The following ARIH1 variants were observed in gnomAD, a reference collection of about 807,000 sequenced individuals.
The protein encoded by ARIH1 is ariadne RBR E3 ubiquitin protein ligase 1.
ARIH1 carries 8 observed loss-of-function variants against 85.0 expected under a neutral mutation model. That is an observed-to-expected ratio of 0.09 (90% CI 0.06 to 0.17). The LOEUF (loss-of-function observed/expected upper bound fraction) is 0.17. Among genes scored for constraint, ARIH1 ranks in the 10% least tolerant of loss-of-function variants. ARIH1 has a pLI of 1.00. For missense variants in ARIH1, 311 were observed against 718.1 expected (o/e 0.43, Z 6.48); for synonymous variants, 238 against 253.6 (o/e 0.94, Z 0.59).
chr15:72,555,051 T>C (rs1019561132), intron 3 of ARIH1, among the ~76,000 whole-genome samples: 5 of 152,362 alleles, frequency 3.3e-5, no homozygotes, highest in Admixed American at 6.5e-5. Flanking sequence ...TTATATTTAA[T>C]ACAAACATTG....
At chr15:72,578,821 G>GTTTTTTTTT (rs66609745) in intron 11 of ARIH1, among the ~76,000 whole-genome samples, 4 of 145,256 alleles carry the variant, frequency 2.8e-5, no homozygotes, top group Non-Finnish European at 6.0e-5. Flanking sequence ...TTGGTGTTTT[G>GTTTTTTTTT]TTTTTTTTTT....
chr15:72,541,290 C>T (rs1378440347), intron 2 of ARIH1, among the ~76,000 whole-genome samples: 1 of 152,142 alleles, frequency 6.6e-6, no homozygotes, highest in African/African-American at 2.4e-5. Flanking sequence ...TCTCTCCCGA[C>T]ACTCAGCTTT....
intron 1 of ARIH1, among the ~76,000 whole-genome samples, chr15:72,475,843 G>T (rs1372981985): frequency 1.3e-5 from 2 of 152,102 alleles, no homozygotes; most frequent in Non-Finnish European, 2.9e-5. Context: ...TTTCTATTTT[G>T]TGGTAAGTTA....
chr15:72,550,516 T>G (rs975752431), intron 3 of ARIH1, among the ~76,000 whole-genome samples: 1 of 152,212 alleles, frequency 6.6e-6, no homozygotes, highest in East Asian at 1.9e-4. Flanking sequence ...TTTAACAGCC[T>G]TAAAAATCAA....
chr15:72,496,899 A>G lies in ARIH1; in HGVS notation c.376-21168A>G, dbSNP rs188481050. 6.2e-6 allele frequency: 6 copies of G among 967,532 alleles called. No homozygotes were observed. The East Asian group carries it at 6.9e-4, about 111-fold the overall frequency. 59.9% of individuals were successfully genotyped at this position (967,532 alleles called of 1,614,324 possible). ...TCCAAAGACAAGTCATTAAAAGACC[A>G]TTAAACACACATACTTACACACAGA... On this transcript the variant is annotated intron_variant, in intron 1 of 13. Coordinates refer to ENST00000379887, the MANE Select transcript of ARIH1 (RefSeq NM_005744.5).
rs1484551498 is a variant in ARIH1, at chr15:72,592,099, A to C, written c.*8807A>C. 5 of 152,216 alleles carry C rather than the reference A, an allele frequency of 3.3e-5. No homozygotes were observed. The highest frequency in any genetic ancestry group is 1.2e-4 in the African/African-American group (5 of 41,456). The allele number at this position is 152,216 out of a possible 1,614,324, so 9.4% of individuals were successfully genotyped here. A position where few individuals can be genotyped will look rare whatever the true frequency, so the allele number is the denominator to read the frequency against. ...AATAATTAATTTTTACTCCATTTTT[A>C]CTCGCTTGCAATAAAGTAGGTTAAG... On this transcript the variant is annotated 3_prime_UTR_variant, in exon 14 of 14. Transcript: ENST00000379887.
Position 72,501,865 on chromosome 15 carries a change from T to C in ARIH1, c.376-16202T>C, listed in dbSNP as rs532659349. On this transcript the variant is annotated intron_variant, in intron 1 of 13. Coordinates refer to ENST00000379887, the MANE Select transcript of ARIH1 (RefSeq NM_005744.5). ...GTTACCTGGTTCTTGGCTCTACCTT[T>C]AGTTTGTACCCTTTTTATCAATAGG... Among the ~76,000 whole-genome samples, 36 of 152,352 alleles carry C rather than the reference T, an allele frequency of 2.4e-4. 1 individual carries two copies. In the South Asian group the frequency reaches 7.2e-3, roughly 31 times the overall value.
intron 3 of ARIH1, among the ~76,000 whole-genome samples, chr15:72,549,304 T>A (rs944412787): frequency 6.6e-6 from 1 of 152,148 alleles, no homozygotes; most frequent in African/African-American, 2.4e-5. Flanking sequence ...TCCAGGCTGG[T>A]CTCCAACTCC....
chr15:72,552,266 G>C (rs545461721), intron 3 of ARIH1, among the ~76,000 whole-genome samples: 49 of 152,144 alleles, frequency 3.2e-4, no homozygotes, highest in Non-Finnish European at 6.8e-4. Flanking sequence ...CACCAGTGTG[G>C]TACCATATGA....
intron 2 of ARIH1, among the ~76,000 whole-genome samples, chr15:72,542,401 G>A (rs750213520): frequency 1.3e-4 from 20 of 152,148 alleles, no homozygotes; most frequent in Admixed American, 5.9e-4. Flanking sequence ...TAGGGAATAA[G>A]ATCACCACAG....
Position 72,585,484 on chromosome 15 carries a change from T to TA in ARIH1, c.*2193dup, listed in dbSNP as rs1259101432. 1 of 152,120 alleles carries TA rather than the reference T, an allele frequency of 6.6e-6. No individual in the cohort carries two copies. Among genetic ancestry groups the TA allele is most frequent in the Non-Finnish European group, 1.5e-5 (1 of 68,028 alleles). 9.4% of individuals were successfully genotyped at this position (152,120 alleles called of 1,614,324 possible). A position where few individuals can be genotyped will look rare whatever the true frequency, so the allele number is the denominator to read the frequency against. ...AAAGCAGTCAGAGTTGCTATATAGATATATGTGGCTCCTTTAAAATGCTTT... is the reference window on the plus strand; with the variant it reads ...AAAGCAGTCAGAGTTGCTATATAGATAATATGTGGCTCCTTTAAAATGCTTT... On this transcript the variant is annotated 3_prime_UTR_variant, in exon 14 of 14. Coordinates refer to ENST00000379887, the MANE Select transcript of ARIH1 (RefSeq NM_005744.5).
chr15:72,579,373 T>TGGG (rs10692723), intron 11 of ARIH1, among the ~76,000 whole-genome samples: 3 of 151,824 alleles, frequency 2.0e-5, no homozygotes, highest in South Asian at 2.1e-4. Context: ...ATTCAGTGGT[T>TGGG]GGGGGGGGAG....
At chr15:72,569,420 G>A (rs2064234238) in intron 9 of ARIH1, among the ~76,000 whole-genome samples, 1 of 152,178 alleles carries the variant, frequency 6.6e-6, no homozygotes, top group Non-Finnish European at 1.5e-5. Context: ...TTTGGTAGGA[G>A]AAAGTTGGAA....
intron 2 of ARIH1, among the ~76,000 whole-genome samples, chr15:72,531,237 G>A (rs948657122): frequency 6.6e-6 from 1 of 151,988 alleles, no homozygotes; most frequent in South Asian, 2.1e-4. Context: ...ATGAAATATG[G>A]TAAAAAGAAA....
Position 72,474,622 on chromosome 15 carries a change from G to C in ARIH1, c.-18G>C. ...CCCCGCCTCGGCCAGCGTCCGCCGGGCCCCCGCGCGTCGCGCCATGGACTC... is the reference window on the plus strand; with the variant it reads ...CCCCGCCTCGGCCAGCGTCCGCCGGCCCCCCGCGCGTCGCGCCATGGACTC... On this transcript the variant is annotated 5_prime_UTR_variant, in exon 1 of 14. Transcript: ENST00000379887. 1 of 1,507,112 alleles carries C rather than the reference G, an allele frequency of 6.6e-7. No individual in the cohort carries two copies. The highest frequency in any genetic ancestry group is 8.9e-7 in the Non-Finnish European group (1 of 1,129,268). The allele number at this position is 1,507,112 out of a possible 1,614,324, so 93.4% of individuals were successfully genotyped here.
intron 10 of ARIH1, among the ~76,000 whole-genome samples, chr15:72,571,749 G>A (rs923359306): frequency 2.0e-5 from 3 of 152,154 alleles, no homozygotes; most frequent in African/African-American, 7.2e-5. Flanking sequence ...AAAAAGTTGA[G>A]TTAGGAATTC....
At chr15:72,546,934 AG>A (rs200691808) in intron 3 of ARIH1, among the ~76,000 whole-genome samples, 936 of 27,032 alleles carry the variant, frequency 0.035, 21 homozygotes, top group African/African-American at 0.092. Flanking sequence ...TTTTTTTTGG[AG>A]GGGGGGGGGT....
At chr15:72,552,008 C>G (rs2140427660) in intron 3 of ARIH1, among the ~76,000 whole-genome samples, 1 of 152,252 alleles carries the variant, frequency 6.6e-6, no homozygotes, top group East Asian at 1.9e-4. Flanking sequence ...AAATCAAGTA[C>G]TCTTGCACGG....
intron 9 of ARIH1, among the ~76,000 whole-genome samples, chr15:72,569,213 C>CAGG (rs901064952): frequency 3.2e-4 from 49 of 152,218 alleles, no homozygotes; most frequent in African/African-American, 1.2e-3. Flanking sequence ...GAGACTGAGG[C>CAGG]AGGAGGATGA....
Sources: allele counts gnomAD v4.1 joint callset (sites outside exome capture counted in the v4.1 genomes callset), GRCh38; gene constraint gnomAD v4.1.1; transcripts MANE v1.5; gene names NCBI Gene and HGNC (gene_info 2026-07-23, HGNC 2026-07-21).